MPRIP: variants seen among roughly 807,000 people sequenced by gnomAD.
MPRIP encodes the protein myosin phosphatase Rho interacting protein.
In MPRIP, 59 loss-of-function variants were observed where a neutral mutation model predicts 234.9. That is an observed-to-expected ratio of 0.25 (90% CI 0.20 to 0.31). MPRIP has a LOEUF of 0.31. Ranked by LOEUF, MPRIP falls within the 10% of genes least tolerant of loss-of-function variation. The probability of loss-of-function intolerance (pLI) is 1.00; values close to 1 mark genes in which losing one functional copy is unlikely to be tolerated. For missense variants in MPRIP, 2,436 were observed against 3,071.0 expected (o/e 0.79, Z 4.89); for synonymous variants, 1,144 against 1,263.9 (o/e 0.91, Z 2.01).
chr17:17,064,114 G>A (rs900801327), intron 1 of MPRIP, among the ~76,000 whole-genome samples: 1 of 152,162 alleles, frequency 6.6e-6, no homozygotes, highest in African/African-American at 2.4e-5. Flanking sequence ...AGGCGTCACT[G>A]AAGAAGGCCC....
At chr17:17,082,312 T>TG (rs2089481260) in intron 3 of MPRIP, among the ~76,000 whole-genome samples, 1 of 147,448 alleles carries the variant, frequency 6.8e-6, no homozygotes. Flanking sequence ...TTTTTTTTTT[T>TG]GAGACGGAGT....
chr17:17,084,427 G>A (rs2089538235), intron 3 of MPRIP, among the ~76,000 whole-genome samples: 1 of 152,226 alleles, frequency 6.6e-6, no homozygotes, highest in South Asian at 2.1e-4. Context: ...CTCCTTGCTG[G>A]CACTTTCTGC....
chr17:17,092,579 C>T (rs1449866757), intron 3 of MPRIP, among the ~76,000 whole-genome samples: 6 of 152,152 alleles, frequency 3.9e-5, no homozygotes, highest in Non-Finnish European at 8.8e-5. Context: ...TTGCTTGCTT[C>T]TATTCACGTT....
Position 17,142,882 on chromosome 17 carries a change from C to G in MPRIP, c.1389+117C>G, listed in dbSNP as rs1019691871. The stretch of plus-strand genomic sequence containing the variant: ...GGATGTGCTCCTGCCAGGCTTCTCT[C>G]CAACCACCTCCTCTGCATAGTGACT... On this transcript the variant is annotated intron_variant, in intron 8 of 23. Transcript: ENST00000651222. 12 of 1,143,728 alleles carry G rather than the reference C, an allele frequency of 1.0e-5. No homozygotes were observed. The Admixed American group carries it at 1.3e-4, about 12-fold the overall frequency. 70.8% of individuals were successfully genotyped at this position (1,143,728 alleles called of 1,614,324 possible). A position where few individuals can be genotyped will look rare whatever the true frequency, so the allele number is the denominator to read the frequency against.
intron 8 of MPRIP, among the ~76,000 whole-genome samples, chr17:17,143,149 G>A (rs543186826): frequency 1.0e-3 from 156 of 152,264 alleles, no homozygotes; most frequent in Middle Eastern, 3.4e-3. Context: ...CTGGGCACCC[G>A]CCTGCTGCTT....
intron 1 of MPRIP, among the ~76,000 whole-genome samples, chr17:17,070,008 A>G (rs1364589810): frequency 6.6e-6 from 1 of 152,030 alleles, no homozygotes. Context: ...CCTGAAGGAT[A>G]TTTTTACTGG....
chr17:17,172,646 T>A, intron 17 of MPRIP, 52 bp from the exon 18 acceptor site: 1 of 1,462,620 alleles, frequency 6.8e-7, no homozygotes, highest in Non-Finnish European at 9.5e-7. Context: ...CCCACCCCTG[T>A]CAGCAGGAAG....
intron 1 of MPRIP, among the ~76,000 whole-genome samples, chr17:17,047,309 T>A (rs1444875570): frequency 6.6e-6 from 1 of 152,244 alleles, no homozygotes; most frequent in Non-Finnish European, 1.5e-5. Context: ...TTGCCACGTA[T>A]TGCAGGTATT....
rs145077788 is a variant in MPRIP, at chr17:17,157,116, A to G, written c.1830-1316A>G. 2.9e-3 allele frequency among the ~76,000 whole-genome samples: 436 copies of G among 152,270 alleles called. 1 individual carries two copies. The highest frequency in any genetic ancestry group is 1.0e-2 in the African/African-American group (415 of 41,548). ...GACCAGCTGGCAGTCTGTGGGGCCT[A>G]TCTCTAGAGTCTACAAACCTTTGCC... On this transcript the variant is annotated intron_variant, in intron 13 of 23. Coordinates refer to ENST00000651222, the MANE Select transcript of MPRIP (RefSeq NM_001364716.4).
intron 3 of MPRIP, among the ~76,000 whole-genome samples, chr17:17,094,411 G>A (rs913258021): frequency 2.0e-5 from 3 of 152,102 alleles, no homozygotes; most frequent in Non-Finnish European, 2.9e-5. Flanking sequence ...TTTTCCTTCC[G>A]AAAACTTTCA....
intron 7 of MPRIP, chr17:17,142,104 C>G (rs1176503325): frequency 1.9e-5 from 3 of 157,396 alleles, no homozygotes; most frequent in Non-Finnish European, 4.2e-5. Context: ...CGGCCGTAGA[C>G]AGCCTGAGGA....
chr17:17,109,929 T>C (rs1208005163), intron 3 of MPRIP, among the ~76,000 whole-genome samples: 1 of 152,128 alleles, frequency 6.6e-6, no homozygotes, highest in Non-Finnish European at 1.5e-5. Flanking sequence ...ACAAAATAAA[T>C]ACTGTAATGT....
At chr17:17,068,830 A>G (rs973791971) in intron 1 of MPRIP, among the ~76,000 whole-genome samples, 18 of 152,118 alleles carry the variant, frequency 1.2e-4, no homozygotes, top group African/African-American at 4.3e-4. Flanking sequence ...CACTGCGCCC[A>G]GCCCGATTTC....
chr17:17,047,464 T>TATTCG (rs2088390405), intron 1 of MPRIP, among the ~76,000 whole-genome samples: 1 of 152,254 alleles, frequency 6.6e-6, no homozygotes, highest in Non-Finnish European at 1.5e-5. Context: ...TAATTTCTCA[T>TATTCG]ATTCTTTTAT....
chr17:17,115,043 C>A (rs560019371), intron 3 of MPRIP, among the ~76,000 whole-genome samples: 1 of 152,392 alleles, frequency 6.6e-6, no homozygotes, highest in Admixed American at 6.5e-5. Flanking sequence ...GCCCAGCCCA[C>A]GCACTGCAGC....
In MPRIP at chr17:17,175,348, G is replaced by C; in HGVS notation, c.6806G>C (p.Gly2269Ala). 1.2e-6 allele frequency: 2 copies of C among 1,613,522 alleles called. No homozygotes were observed. Among genetic ancestry groups the C allele is most frequent in the South Asian group, 1.1e-5 (1 of 91,076 alleles). Residue 2269 changes from glycine (G) to alanine (A), a missense_variant, in exon 20 of 24, where the codon GGG becomes GCG. Physicochemically the swap from Gly to Ala is moderately conservative, Grantham distance 60 (BLOSUM62 0). Transcript: ENST00000651222. Reference sequence around the variant, plus strand: ...ACACGGTTGCGGACGCTGCTGACTGGGGACGGCGGTGGGGAGGCCACTGGG... The same window carrying C: ...ACACGGTTGCGGACGCTGCTGACTGCGGACGGCGGTGGGGAGGCCACTGGG... Reference protein sequence around the residue: ...EITRLRTLLTGDGGGEATGSP... With the variant: ...EITRLRTLLTADGGGEATGSP...
chr17:17,069,610 A>T (rs184463103), intron 1 of MPRIP, among the ~76,000 whole-genome samples: 2 of 151,364 alleles, frequency 1.3e-5, no homozygotes, highest in Admixed American at 1.3e-4. Flanking sequence ...GGTTATAATA[A>T]GACGTGACTT....
chr17:17,127,667 G>C (rs2090519304), intron 4 of MPRIP, among the ~76,000 whole-genome samples: 1 of 152,258 alleles, frequency 6.6e-6, no homozygotes, highest in African/African-American at 2.4e-5. Flanking sequence ...GGCTGAGAAG[G>C]AGGCACATGA....
At position 17,164,570 on chromosome 17, in the gene MPRIP, G is replaced by A; in HGVS notation, c.2979G>A (p.Leu993=). ...ACCGGCAGAAGGAGGTCCAGAGGCT[G>A]CAGGAGCGCATTGCCGACCTCAGCC... ...QRDRQKEVQR[L]QERIADLSQQ... Residue 993 remains leucine (L), a synonymous_variant, in exon 16 of 24, where the codon CTG becomes CTA. Transcript: ENST00000651222. 3 of 1,211,088 alleles carry A rather than the reference G, an allele frequency of 2.5e-6. No homozygotes were observed. The highest frequency in any genetic ancestry group is 3.1e-5 in the South Asian group (2 of 64,840). The allele number at this position is 1,211,088 out of a possible 1,614,324, so 75.0% of individuals were successfully genotyped here.
Sources: gnomAD v4.1 joint callset for allele counts (sites outside exome capture counted in the v4.1 genomes callset) on GRCh38, gnomAD v4.1.1 for gene constraint, MANE v1.5 for transcripts, NCBI Gene and HGNC (gene_info 2026-07-23, HGNC 2026-07-21) for gene names.